The following TENM4 variants were observed in gnomAD, a reference collection of about 807,000 sequenced individuals.
TENM4 encodes the protein teneurin transmembrane protein 4.
Under a neutral mutation model 243.3 loss-of-function variants are expected in TENM4, and 82 were observed. That is an observed-to-expected ratio of 0.34 (90% CI 0.28 to 0.40). The LOEUF is 0.40. TENM4 is among the 10% of genes least tolerant of loss of function. The probability of loss-of-function intolerance (pLI) is 1.00; values close to 1 mark genes in which losing one functional copy is unlikely to be tolerated. For synonymous variants in TENM4, 1,412 were observed against 1,456.3 expected (o/e 0.97, Z 0.69); for missense variants, 3,138 against 3,673.3 (o/e 0.85, Z 3.77).
intron 2 of TENM4, among the ~76,000 whole-genome samples, chr11:79,227,319 G>A (rs189191956): frequency 2.0e-5 from 3 of 152,268 alleles, no homozygotes; most frequent in East Asian, 1.9e-4. Flanking sequence ...GCTGAAATAC[G>A]TACTGTTTAG....
At chr11:78,871,999 T>C (rs373481961) in intron 9 of TENM4, among the ~76,000 whole-genome samples, 2 of 152,324 alleles carry the variant, frequency 1.3e-5, no homozygotes, top group Non-Finnish European at 1.5e-5. Flanking sequence ...TTAAGTTAGA[T>C]AGTATTAGTA....
chr11:79,039,324 C>T (rs1157884198), intron 6 of TENM4, among the ~76,000 whole-genome samples: 3 of 152,156 alleles, frequency 2.0e-5, no homozygotes, highest in East Asian at 1.9e-4. Context: ...AAAGTGAATG[C>T]CACCAACAGA....
At chr11:79,151,845 A>G (rs1862518089) in intron 3 of TENM4, among the ~76,000 whole-genome samples, 1 of 151,956 alleles carries the variant, frequency 6.6e-6, no homozygotes, top group Admixed American at 6.6e-5. Context: ...GCACTTCAAC[A>G]TTTTCATTGC....
At chr11:78,839,684 A>G (rs1858206186) in intron 12 of TENM4, among the ~76,000 whole-genome samples, 1 of 152,118 alleles carries the variant, frequency 6.6e-6, no homozygotes, top group Admixed American at 6.5e-5. Context: ...ACCTTATTTT[A>G]TTAGTGATTT....
At position 78,952,075 on chromosome 11, in the gene TENM4, G is replaced by T. The variant is rs111666241; in HGVS notation, c.494-48552C>A. ...AGGGCAAACTGTTTAGTGTGTTTCT[G>T]TCTCCCCAACAGGGGTGAGCTGACT... On this transcript the variant is annotated intron_variant, in intron 6 of 33. Coordinates refer to ENST00000278550, the MANE Select transcript of TENM4 (RefSeq NM_001098816.3). Among the ~76,000 whole-genome samples the T allele has an allele frequency of 1.4e-3, 208 of 152,198 alleles. 1 individual carries two copies. The highest frequency in any genetic ancestry group is 4.7e-3 in the African/African-American group (194 of 41,530).
At chr11:79,404,781 A>G (rs10501440) in intron 1 of TENM4, among the ~76,000 whole-genome samples, 99,147 of 151,936 alleles carry the variant, frequency 0.65, 32,761 homozygotes, top group African/African-American at 0.77. Context: ...TGAAATCCCA[A>G]GACAAAATAC....
At chr11:79,155,933 C>T (rs1033775899) in intron 3 of TENM4, among the ~76,000 whole-genome samples, 1 of 152,016 alleles carries the variant, frequency 6.6e-6, no homozygotes, top group Non-Finnish European at 1.5e-5. Context: ...CCCACCCTTC[C>T]CACCTGCCAG....
chr11:79,255,892 T>G (rs1275541779), intron 2 of TENM4, among the ~76,000 whole-genome samples: 1 of 152,206 alleles, frequency 6.6e-6, no homozygotes, highest in Non-Finnish European at 1.5e-5. Context: ...AAGCACTGTG[T>G]GTCAGAGCAG....
chr11:79,240,285 C>T (rs1864564974), intron 2 of TENM4, among the ~76,000 whole-genome samples: 1 of 152,152 alleles, frequency 6.6e-6, no homozygotes. Flanking sequence ...CTCAGCACTT[C>T]CATGACATGG....
intron 1 of TENM4, among the ~76,000 whole-genome samples, chr11:79,342,031 C>G (rs908415728): frequency 6.6e-6 from 1 of 152,206 alleles, no homozygotes; most frequent in Non-Finnish European, 1.5e-5. Context: ...GAATGCTGCT[C>G]TTGTTCTCTC....
intron 6 of TENM4, among the ~76,000 whole-genome samples, chr11:78,968,305 G>A (rs915445281): frequency 6.6e-6 from 1 of 152,154 alleles, no homozygotes; most frequent in South Asian, 2.1e-4. Context: ...TTTTGTTTGA[G>A]ATGGGGTCTT....
intron 3 of TENM4, among the ~76,000 whole-genome samples, chr11:79,207,979 T>C (rs1863883255): frequency 6.6e-6 from 1 of 151,094 alleles, no homozygotes; most frequent in African/African-American, 2.4e-5. Context: ...AATCACTAAC[T>C]AGAGAGAGTC....
At chr11:78,850,682 C>T (rs1463974310) in intron 12 of TENM4, among the ~76,000 whole-genome samples, 1 of 152,102 alleles carries the variant, frequency 6.6e-6, no homozygotes, top group Non-Finnish European at 1.5e-5. Context: ...AGAAAGGCAG[C>T]AAGAGAAAGG....
chr11:78,980,911 T>C (rs1013065209), intron 6 of TENM4, among the ~76,000 whole-genome samples: 1 of 152,198 alleles, frequency 6.6e-6, no homozygotes, highest in African/African-American at 2.4e-5. Flanking sequence ...ATTATTCCTG[T>C]TTTCTAGATG....
intron 18 of TENM4, among the ~76,000 whole-genome samples, chr11:78,760,046 G>A (rs761237961): frequency 7.9e-5 from 12 of 152,110 alleles, no homozygotes; most frequent in Non-Finnish European, 1.6e-4. Context: ...TTCCAATATT[G>A]TAATTTTGAT....
intron 28 of TENM4, among the ~76,000 whole-genome samples, chr11:78,698,523 G>A (rs968023231): frequency 6.6e-6 from 1 of 151,936 alleles, no homozygotes; most frequent in Non-Finnish European, 1.5e-5. Context: ...GAACATTTCG[G>A]TTATAATCTA....
chr11:79,254,729 C>T lies in TENM4; in HGVS notation c.-264-38820G>A, dbSNP rs1275307017. Among the ~76,000 whole-genome samples, 6 of 152,248 alleles carry T rather than the reference C, an allele frequency of 3.9e-5. No individual in the cohort carries two copies. In the East Asian group the frequency reaches 7.7e-4, roughly 20 times the overall value. On this transcript the variant is annotated intron_variant, in intron 2 of 33. Transcript: ENST00000278550. Reference sequence around the variant, plus strand: ...ATATTATATAATGTGTTCAATGCCACGCTGGTGAGGTGAGAGTGGAGGAGA... The same window carrying T: ...ATATTATATAATGTGTTCAATGCCATGCTGGTGAGGTGAGAGTGGAGGAGA...
chr11:79,132,712 A>G (rs1862036202), intron 4 of TENM4, among the ~76,000 whole-genome samples: 1 of 152,314 alleles, frequency 6.6e-6, no homozygotes, highest in Admixed American at 6.5e-5. Flanking sequence ...CCATGAAAAA[A>G]ACATGGAAAT....
chr11:78,773,371 G>A (rs1318477986), intron 17 of TENM4, among the ~76,000 whole-genome samples: 1 of 152,100 alleles, frequency 6.6e-6, no homozygotes, highest in Admixed American at 6.5e-5. Context: ...TGGGGTTTTG[G>A]GGGCGGTTAA....
Sources: gnomAD v4.1 joint callset for allele counts (sites outside exome capture counted in the v4.1 genomes callset) on GRCh38, gnomAD v4.1.1 for gene constraint, MANE v1.5 for transcripts, NCBI Gene and HGNC (gene_info 2026-07-23, HGNC 2026-07-21) for gene names.